COMMD10: variants seen among roughly 807,000 people sequenced by gnomAD.
COMMD10 encodes COMM domain containing 10, also known as COMM domain-containing protein 10.
In COMMD10, 33 loss-of-function variants were observed where a neutral mutation model predicts 28.9. The ratio of observed to expected loss-of-function variants is 1.14; its 90% CI spans 0.87 to 1.53. The LOEUF (loss-of-function observed/expected upper bound fraction) is 1.53, where lower values mean the gene tolerates loss of function less well. Among genes scored for constraint, COMMD10 ranks in the 40% most tolerant of loss-of-function variants. The probability of loss-of-function intolerance (pLI) is 0.00; values close to 1 mark genes in which losing one functional copy is unlikely to be tolerated. For missense variants in COMMD10, 310 were observed against 233.4 expected (o/e 1.33, Z -2.14); for synonymous variants, 110 against 81.7 (o/e 1.35, Z -1.87).
chr5:116,156,953 A>T (rs1326202652), intron 5 of COMMD10, among the ~76,000 whole-genome samples: 1 of 152,084 alleles, frequency 6.6e-6, no homozygotes. Flanking sequence ...ATATTGCCTT[A>T]TGGTGTACAG....
intron 5 of COMMD10, among the ~76,000 whole-genome samples, chr5:116,153,843 T>G (rs1435328005): frequency 6.6e-6 from 1 of 152,066 alleles, no homozygotes; most frequent in Non-Finnish European, 1.5e-5. Context: ...ATTTGCCAAA[T>G]GTGAAGAGTG....
intron 5 of COMMD10, among the ~76,000 whole-genome samples, chr5:116,248,536 TGTACA>T (rs1161921107): frequency 6.6e-6 from 1 of 151,956 alleles, no homozygotes; most frequent in East Asian, 1.9e-4. Flanking sequence ...CAAAATAGCC[TGTACA>T]GTTCTGTTTT....
intron 5 of COMMD10, among the ~76,000 whole-genome samples, chr5:116,246,832 T>C (rs1378659659): frequency 3.3e-5 from 5 of 151,976 alleles, no homozygotes; most frequent in Non-Finnish European, 7.4e-5. Context: ...TAAACAAAAA[T>C]GGATTAAAGA....
chr5:116,169,399 A>G (rs1391443989), intron 5 of COMMD10, among the ~76,000 whole-genome samples: 1 of 152,238 alleles, frequency 6.6e-6, no homozygotes, highest in East Asian at 1.9e-4. Context: ...ACAGATTCAT[A>G]GCTGAATTCT....
intron 5 of COMMD10, among the ~76,000 whole-genome samples, chr5:116,207,381 T>C (rs1748840327): frequency 6.6e-6 from 1 of 152,204 alleles, no homozygotes; most frequent in African/African-American, 2.4e-5. Context: ...ATGAATATAG[T>C]GAGAGATCTG....
chr5:116,118,698 A>G (rs1751323848), intron 4 of COMMD10, among the ~76,000 whole-genome samples: 1 of 151,898 alleles, frequency 6.6e-6, no homozygotes, highest in South Asian at 2.1e-4. Context: ...TTTCTCTTTA[A>G]AAGTGAAAAT....
chr5:116,224,093 T>G (rs1376761606), intron 5 of COMMD10, among the ~76,000 whole-genome samples: 1 of 152,196 alleles, frequency 6.6e-6, no homozygotes, highest in Admixed American at 6.5e-5. Context: ...AACGGTGATC[T>G]TTCTGTTTCT....
intron 5 of COMMD10, among the ~76,000 whole-genome samples, chr5:116,181,372 T>C (rs914575359): frequency 1.3e-5 from 2 of 150,964 alleles, no homozygotes; most frequent in Non-Finnish European, 2.9e-5. Flanking sequence ...GCTTTATATC[T>C]TCTATCTTCT....
At chr5:116,165,144 C>T (rs762064871) in intron 5 of COMMD10, among the ~76,000 whole-genome samples, 6 of 152,262 alleles carry the variant, frequency 3.9e-5, no homozygotes, top group South Asian at 2.1e-4. Flanking sequence ...TGAGAATTGT[C>T]ATTGAGCAAT....
At chr5:116,199,274 G>A (rs571926474) in intron 5 of COMMD10, among the ~76,000 whole-genome samples, 55 of 152,136 alleles carry the variant, frequency 3.6e-4, no homozygotes, top group African/African-American at 1.3e-3. Flanking sequence ...TGAGGTTTCT[G>A]TTTAGGTTTT....
chr5:116,204,686 A>G lies in COMMD10; in HGVS notation c.510+70508A>G, dbSNP rs137882851. 2.0e-3 allele frequency among the ~76,000 whole-genome samples: 304 copies of G among 152,320 alleles called. 2 individuals carry two copies. The highest frequency in any genetic ancestry group is 7.0e-3 in the African/African-American group (289 of 41,576). On this transcript the variant is annotated intron_variant, in intron 5 of 6. Transcript: ENST00000274458. ...CACTCATTGACACTTAATATGCTGAATACAAATTCAGCACCATAATTAAAT... is the reference window on the plus strand; with the variant it reads ...CACTCATTGACACTTAATATGCTGAGTACAAATTCAGCACCATAATTAAAT...
At chr5:116,292,124 C>T (rs1751379990) in intron 6 of COMMD10, among the ~76,000 whole-genome samples, 1 of 151,434 alleles carries the variant, frequency 6.6e-6, no homozygotes. Flanking sequence ...CATATGTAAG[C>T]CTCCAATAAA....
At chr5:116,267,467 G>T (rs1043035737) in intron 5 of COMMD10, among the ~76,000 whole-genome samples, 2 of 151,754 alleles carry the variant, frequency 1.3e-5, no homozygotes, top group African/African-American at 4.9e-5. Context: ...ACAAATGGAA[G>T]AACATTCTAT....
chr5:116,280,648 A>C (rs1382343), intron 5 of COMMD10, among the ~76,000 whole-genome samples: 1 of 151,588 alleles, frequency 6.6e-6, no homozygotes, highest in African/African-American at 2.4e-5. Flanking sequence ...GTGGATGACA[A>C]AAATGACTAA....
intron 5 of COMMD10, among the ~76,000 whole-genome samples, chr5:116,163,391 C>T (rs907306334): frequency 1.8e-4 from 27 of 146,354 alleles, no homozygotes; most frequent in African/African-American, 7.0e-4. Context: ...TGGAGACTAG[C>T]CTGGCCAACA....
intron 5 of COMMD10, among the ~76,000 whole-genome samples, chr5:116,153,839 C>G (rs914593753): frequency 6.6e-6 from 1 of 151,980 alleles, no homozygotes; most frequent in African/African-American, 2.4e-5. Flanking sequence ...TTCCATTTGC[C>G]AAATGTGAAG....
At chr5:116,268,295 T>C (rs1171138459) in intron 5 of COMMD10, among the ~76,000 whole-genome samples, 1 of 151,750 alleles carries the variant, frequency 6.6e-6, no homozygotes, top group Non-Finnish European at 1.5e-5. Flanking sequence ...GTGAAGGATA[T>C]GAACAGACAC....
In COMMD10 at chr5:116,291,555, GTTGT is replaced by G. The variant is rs747084139; in HGVS notation, c.553_556del (p.Phe185IlefsTer6). 5 of 1,597,384 alleles carry G rather than the reference GTTGT, an allele frequency of 3.1e-6. No individual in the cohort carries two copies. The African/African-American group carries it at 4.0e-5, about 13-fold the overall frequency. ...TTCTTGTGGAATTCAGTCACAAGGA[GTTGT>G]TTGATTTCTATAACAAGGTCTGTAT... On this transcript the variant is annotated frameshift_variant, in exon 6 of 7. Transcript: ENST00000274458. LOFTEE classifies it high-confidence loss of function.
intron 4 of COMMD10, among the ~76,000 whole-genome samples, chr5:116,115,008 C>T (rs1446116461): frequency 6.6e-6 from 1 of 152,114 alleles, no homozygotes; most frequent in Non-Finnish European, 1.5e-5. Context: ...ACACAGGCCC[C>T]AGTTCAGCAA....
Sources: allele counts gnomAD v4.1 joint callset (sites outside exome capture counted in the v4.1 genomes callset), GRCh38; gene constraint gnomAD v4.1.1; transcripts MANE v1.5; gene names NCBI Gene and HGNC (gene_info 2026-07-23, HGNC 2026-07-21).